Variants in GRB10 observed in about 807,000 individuals in gnomAD.
GRB10 encodes growth factor receptor bound protein 10, also known as growth factor receptor-bound protein 10.
GRB10 carries 20 observed loss-of-function variants against 80.9 expected under a neutral mutation model. That is an observed-to-expected ratio of 0.25 (90% CI 0.17 to 0.36). The LOEUF (loss-of-function observed/expected upper bound fraction) is 0.36, where lower values mean the gene tolerates loss of function less well. Ranked by LOEUF, GRB10 falls within the 10% of genes least tolerant of loss-of-function variation. The pLI is 1.00. For missense variants in GRB10, 548 were observed against 747.7 expected (o/e 0.73, Z 3.12); for synonymous variants, 291 against 291.5 (o/e 1.00, Z 0.02).
intron 5 of GRB10, among the ~76,000 whole-genome samples, chr7:50,690,320 C>CAAAAAAAA (rs5884162): frequency 2.7e-5 from 4 of 148,674 alleles, no homozygotes; most frequent in Admixed American, 6.6e-5. Context: ...AACAAACAAA[C>CAAAAAAAA]AAAAAAAACA....
chr7:50,705,914 T>C (rs2064982628), intron 4 of GRB10, among the ~76,000 whole-genome samples: 1 of 152,146 alleles, frequency 6.6e-6, no homozygotes, highest in Non-Finnish European at 1.5e-5. Flanking sequence ...GGAGCTGTGC[T>C]CCCCTGGCTA....
In GRB10 at chr7:50,631,455, C is replaced by T. The variant is rs747387160; in HGVS notation, c.505-4477G>A. On this transcript the variant is annotated intron_variant, in intron 7 of 18. Transcript: ENST00000401949. ...AGGGCTTCTGGGCCAGCAGCTCTTG[C>T]GACCAGTTTCATCCCAGTGCTTAAT... Among the ~76,000 whole-genome samples the T allele has an allele frequency of 9.9e-5, 15 of 152,258 alleles. No homozygotes were observed. In the South Asian group the frequency reaches 1.5e-3, roughly 15 times the overall value.
At chr7:50,677,888 C>T (rs576042110) in intron 5 of GRB10, among the ~76,000 whole-genome samples, 1 of 152,242 alleles carries the variant, frequency 6.6e-6, no homozygotes, top group Non-Finnish European at 1.5e-5. Flanking sequence ...CACACATACA[C>T]GTGTGCTGTG....
chr7:50,637,416 C>T (rs932687419), intron 7 of GRB10, among the ~76,000 whole-genome samples: 2 of 151,610 alleles, frequency 1.3e-5, no homozygotes, highest in African/African-American at 4.9e-5. Context: ...AAATCAAGAA[C>T]TCAATCATGT....
At chr7:50,746,951 G>A (rs570906666) in intron 3 of GRB10, among the ~76,000 whole-genome samples, 6 of 152,282 alleles carry the variant, frequency 3.9e-5, no homozygotes, top group South Asian at 2.1e-4. Flanking sequence ...AAGGGAGGAA[G>A]CAAAGTGACA....
At chr7:50,602,226 AATG>A (rs2047732563) in intron 17 of GRB10, among the ~76,000 whole-genome samples, 1 of 152,266 alleles carries the variant, frequency 6.6e-6, no homozygotes, top group Admixed American at 6.5e-5. Flanking sequence ...GGAATTAGAA[AATG>A]ATGATTTTGG....
intron 3 of GRB10, among the ~76,000 whole-genome samples, chr7:50,739,762 C>T (rs755346142): frequency 4.6e-5 from 7 of 152,222 alleles, no homozygotes; most frequent in Non-Finnish European, 1.0e-4. Context: ...CGCTCCCTCA[C>T]GTCCCCTCCC....
Position 50,732,286 on chromosome 7 carries a change from G to C in GRB10, c.37C>G (p.His13Asp), listed in dbSNP as rs1313467348. 1 of 1,613,898 alleles carries C rather than the reference G, an allele frequency of 6.2e-7. No homozygotes were observed. The highest frequency in any genetic ancestry group is 1.3e-5 in the African/African-American group (1 of 74,870). Residue 13 changes from histidine to aspartate, a missense_variant, in exon 4 of 19, where the codon CAT becomes GAT. By Grantham distance (81) the His-to-Asp change is moderately conservative. This residue lies in a region of GRB10 where 245 missense variants were observed against 229.3 expected (regional missense o/e 1.07). Transcript: ENST00000401949. ...CTCGCCCATACCTGGTAGTACGGAT[G>C]GTGCAAAAAGGAATCTGGGCAGCCG... is the stretch of plus-strand genomic sequence containing the variant. ...LAGCPDSFLHHPYYQDKVEQT... is the reference protein window; with the variant it reads ...LAGCPDSFLHDPYYQDKVEQT...
rs372485652 is a variant in GRB10, at chr7:50,618,163, T to A, written c.778-24A>T. ...TTCTAAGAAAATGGGAAAAAACAAA[T>A]ACGTAAAAGGTTAGCTTCAAAGTGA... On this transcript the variant is annotated intron_variant, in intron 9 of 18. Coordinates refer to ENST00000401949, the MANE Select transcript of GRB10 (RefSeq NM_001350814.2). 3 of 1,580,402 alleles carry A rather than the reference T, an allele frequency of 1.9e-6. No homozygotes were observed. In the Admixed American group the frequency reaches 5.0e-5, roughly 26 times the overall value.
At chr7:50,758,096 G>C (rs149465827) in intron 2 of GRB10, among the ~76,000 whole-genome samples, 165 of 152,272 alleles carry the variant, frequency 1.1e-3, no homozygotes, top group African/African-American at 3.8e-3. Context: ...CTGATAAACT[G>C]AAGAGTTAGT....
intron 7 of GRB10, among the ~76,000 whole-genome samples, chr7:50,652,692 T>C (rs1241596494): frequency 6.6e-6 from 1 of 152,206 alleles, no homozygotes; most frequent in African/African-American, 2.4e-5. Flanking sequence ...ATCAAATACC[T>C]GAAAATCTTA....
chr7:50,749,301 G>T (rs1210297812), intron 3 of GRB10, among the ~76,000 whole-genome samples: 2 of 151,814 alleles, frequency 1.3e-5, no homozygotes, highest in African/African-American at 4.8e-5. Flanking sequence ...GCTAATTTTT[G>T]TATTTTTAGT....
At chr7:50,700,220 G>C (rs762659890) in intron 5 of GRB10, among the ~76,000 whole-genome samples, 9 of 152,150 alleles carry the variant, frequency 5.9e-5, no homozygotes, top group Non-Finnish European at 1.3e-4. Flanking sequence ...TGAAGGTATA[G>C]TATTGATTAC....
intron 7 of GRB10, among the ~76,000 whole-genome samples, chr7:50,657,785 T>A (rs2058797359): frequency 6.6e-6 from 1 of 152,220 alleles, no homozygotes; most frequent in African/African-American, 2.4e-5. Context: ...TTCCTAGAAA[T>A]GTCCAGACTT....
At chr7:50,680,825 G>A (rs78456904) in intron 5 of GRB10, among the ~76,000 whole-genome samples, 64 of 152,116 alleles carry the variant, frequency 4.2e-4, no homozygotes, top group African/African-American at 1.5e-3. Flanking sequence ...TAAGACAAAT[G>A]CAGGCTAGTG....
chr7:50,775,967 C>G (rs1588078682), intron 2 of GRB10, among the ~76,000 whole-genome samples: 1 of 152,202 alleles, frequency 6.6e-6, no homozygotes, highest in East Asian at 1.9e-4. Flanking sequence ...CCCAAGGCCT[C>G]TCCTTTGACA....
chr7:50,702,314 G>T (rs967850611), intron 5 of GRB10, among the ~76,000 whole-genome samples: 1 of 152,210 alleles, frequency 6.6e-6, no homozygotes, highest in Non-Finnish European at 1.5e-5. Flanking sequence ...CTCTGGCCCT[G>T]CTTCCCCAGT....
chr7:50,776,545 TC>T (rs2077674254), intron 2 of GRB10, among the ~76,000 whole-genome samples: 1 of 152,154 alleles, frequency 6.6e-6, no homozygotes, highest in Admixed American at 6.5e-5. Flanking sequence ...GATTATAAAT[TC>T]CATTTTCAAT....
chr7:50,696,537 T>G (rs765604432), intron 5 of GRB10, among the ~76,000 whole-genome samples: 11 of 152,174 alleles, frequency 7.2e-5, no homozygotes, highest in Non-Finnish European at 1.3e-4. Flanking sequence ...CATGAGCCTT[T>G]GGGAGCTCTC....
Sources: gnomAD v4.1 joint callset for allele counts (sites outside exome capture counted in the v4.1 genomes callset) on GRCh38, gnomAD v4.1.1 for gene constraint, gnomAD v4.1.1 regional missense constraint, MANE v1.5 for transcripts, NCBI Gene and HGNC (gene_info 2026-07-23, HGNC 2026-07-21) for gene names.